Variants in TBC1D19 observed in about 807,000 individuals in gnomAD.
TBC1D19 encodes the protein TBC1 domain family member 19.
A neutral mutation model predicts 89.0 loss-of-function variants in TBC1D19; 60 were observed. The ratio of observed to expected loss-of-function variants is 0.67; its 90% CI spans 0.55 to 0.84. TBC1D19 has a LOEUF of 0.84. Ranked by LOEUF, TBC1D19 falls within the 40% of genes least tolerant of loss-of-function variation. The probability of loss-of-function intolerance (pLI) is 0.00; values close to 1 mark genes in which losing one functional copy is unlikely to be tolerated. For missense variants in TBC1D19, 500 were observed against 610.8 expected (o/e 0.82, Z 1.91); for synonymous variants, 189 against 199.7 (o/e 0.95, Z 0.45).
chr4:26,629,179 A>G (rs1158999842), intron 4 of TBC1D19, among the ~76,000 whole-genome samples: 1 of 151,972 alleles, frequency 6.6e-6, no homozygotes. Context: ...CTCATCCCAT[A>G]TGTTTCTGGG....
intron 7 of TBC1D19, among the ~76,000 whole-genome samples, chr4:26,655,400 G>A (rs1744721446): frequency 6.6e-6 from 1 of 152,212 alleles, no homozygotes; most frequent in African/African-American, 2.4e-5. Context: ...CTTCAAAGCT[G>A]TCAGACAGGG....
At chr4:26,704,294 G>C (rs1174818006) in intron 13 of TBC1D19, among the ~76,000 whole-genome samples, 1 of 151,496 alleles carries the variant, frequency 6.6e-6, no homozygotes, top group East Asian at 1.9e-4. Context: ...TCAATACTGA[G>C]TGGAATTTTC....
the TBC1D19 span, among the ~76,000 whole-genome samples, chr4:26,787,742 C>T: frequency 3.9e-5 from 6 of 152,198 alleles, no homozygotes; most frequent in African/African-American, 1.4e-4. Flanking sequence ...GAAGTAGGAA[C>T]GTTCCCTCTG....
intron 11 of TBC1D19, among the ~76,000 whole-genome samples, chr4:26,676,362 C>T (rs974224426): frequency 2.0e-5 from 3 of 152,102 alleles, no homozygotes; most frequent in Non-Finnish European, 4.4e-5. Flanking sequence ...TTCTTCCTGC[C>T]AAACTTGTAA....
chr4:26,847,651 A>C, the TBC1D19 span, among the ~76,000 whole-genome samples: 2 of 152,176 alleles, frequency 1.3e-5, no homozygotes, highest in African/African-American at 4.8e-5. Context: ...CAAGCTGTTT[A>C]AGGGTTTTAA....
upstream of TBC1D19, among the ~76,000 whole-genome samples, chr4:26,580,233 C>T (rs1157033514): frequency 1.3e-5 from 2 of 152,126 alleles, no homozygotes; most frequent in African/African-American, 4.8e-5. Context: ...GGTATGACTG[C>T]CATTGTAATG....
chr4:26,846,400 T>C, the TBC1D19 span, among the ~76,000 whole-genome samples: 1 of 152,204 alleles, frequency 6.6e-6, no homozygotes, highest in Non-Finnish European at 1.5e-5. Context: ...CTTGTATTTA[T>C]ACTTTTGTGG....
intron 9 of TBC1D19, among the ~76,000 whole-genome samples, 162 bp from the exon 10 acceptor site, chr4:26,671,986 GA>G (rs34462850): frequency 1.3e-5 from 2 of 151,594 alleles, no homozygotes; most frequent in African/African-American, 2.4e-5. Context: ...AAAAAATGTA[GA>G]AAAAACTTTT....
intron 10 of TBC1D19, among the ~76,000 whole-genome samples, 194 bp downstream of exon 10, chr4:26,672,381 A>G (rs1712396617): frequency 6.6e-6 from 1 of 151,942 alleles, no homozygotes; most frequent in African/African-American, 2.4e-5. Context: ...TGGCTTTGTC[A>G]ATAAATGTCA....
At chr4:26,780,283 C>T in the TBC1D19 span, among the ~76,000 whole-genome samples, 1 of 152,190 alleles carries the variant, frequency 6.6e-6, no homozygotes, top group Non-Finnish European at 1.5e-5. Flanking sequence ...TTTTCCTAAG[C>T]ACTAGTTAAC....
At chr4:26,622,072 C>T (rs936120074) in intron 4 of TBC1D19, among the ~76,000 whole-genome samples, 4 of 151,510 alleles carry the variant, frequency 2.6e-5, no homozygotes, top group Non-Finnish European at 4.4e-5. Flanking sequence ...GGAAGGGGAA[C>T]GTCACACACC....
rs554916191 is a variant in TBC1D19 at position 26,681,322 on chromosome 4, A to G, written c.817-2353A>G. On this transcript the variant is annotated intron_variant, in intron 11 of 20. Coordinates refer to ENST00000264866, the MANE Select transcript of TBC1D19 (RefSeq NM_018317.4). ...GGGAGGCTGAGGCGGGCAGATCACC[A>G]GGTTCAGGAGATGGAGATCATCCTG... Among the ~76,000 whole-genome samples the G allele has an allele frequency of 2.0e-5, 3 of 152,034 alleles. No individual in the cohort carries two copies. The South Asian group carries it at 6.2e-4, about 32-fold the overall frequency.
the TBC1D19 span, among the ~76,000 whole-genome samples, chr4:26,780,998 C>T: frequency 1.3e-5 from 2 of 152,212 alleles, no homozygotes; most frequent in African/African-American, 4.8e-5. Context: ...CCTCTAGGAT[C>T]CAGGTCTTGA....
In TBC1D19 at chr4:26,592,811, A is replaced by G. The variant is rs1739909858; in HGVS notation, c.99+8519A>G. 2.0e-5 allele frequency among the ~76,000 whole-genome samples: 3 copies of G among 152,278 alleles called. No homozygotes were observed. In the South Asian group the frequency reaches 6.2e-4, roughly 32 times the overall value. ...GTGAAGGACCTCTTCAAGGAGAACT[A>G]CAAACCACTGCTCAATGAAATAAAA... On this transcript the variant is annotated intron_variant, in intron 1 of 20. Coordinates refer to ENST00000264866, the MANE Select transcript of TBC1D19 (RefSeq NM_018317.4).
chr4:26,825,050 G>A, the TBC1D19 span, among the ~76,000 whole-genome samples: 1 of 151,800 alleles, frequency 6.6e-6, no homozygotes, highest in Non-Finnish European at 1.5e-5. Context: ...ATGTTTGTTG[G>A]CTATCTATAT....
chr4:26,687,673 G>T (rs1560472546), intron 12 of TBC1D19, among the ~76,000 whole-genome samples: 1 of 152,104 alleles, frequency 6.6e-6, no homozygotes, highest in Non-Finnish European at 1.5e-5. Context: ...TAGGTGCTAA[G>T]CACTGTGGTG....
At chr4:26,673,364 A>G (rs957777393) in intron 10 of TBC1D19, among the ~76,000 whole-genome samples, 1 of 150,168 alleles carries the variant, frequency 6.7e-6, no homozygotes, top group South Asian at 2.1e-4. Flanking sequence ...GAATATGCAT[A>G]AGAAATTTGG....
chr4:26,800,531 T>C, the TBC1D19 span, among the ~76,000 whole-genome samples: 2 of 152,214 alleles, frequency 1.3e-5, no homozygotes, highest in South Asian at 2.1e-4. Context: ...AGTAATGGGA[T>C]GGCTGGGTCA....
intron 10 of TBC1D19, among the ~76,000 whole-genome samples, chr4:26,673,446 T>TATATATATAC (rs373807642): frequency 1.1e-5 from 1 of 90,884 alleles, no homozygotes; most frequent in East Asian, 3.3e-4. Context: ...TATATATATA[T>TATATATATAC]ACACACACAC....
Sources: allele counts gnomAD v4.1 joint callset (sites outside exome capture counted in the v4.1 genomes callset), GRCh38; gene constraint gnomAD v4.1.1; transcripts MANE v1.5; gene names NCBI Gene and HGNC (gene_info 2026-07-23, HGNC 2026-07-21).